Variants in PABPC4L observed in about 807,000 individuals in gnomAD.
The protein encoded by PABPC4L is poly(A) binding protein cytoplasmic 4 like.
For synonymous variants in PABPC4L, 169 were observed against 164.1 expected (o/e 1.03, Z -0.23); for missense variants, 452 against 451.4 (o/e 1.00, Z -0.01).
the PABPC4L span, among the ~76,000 whole-genome samples, chr4:134,021,790 C>T: frequency 6.6e-6 from 1 of 152,198 alleles, no homozygotes; most frequent in Non-Finnish European, 1.5e-5. Flanking sequence ...TGTTGCTTCT[C>T]AATTTTATAT....
the PABPC4L span, among the ~76,000 whole-genome samples, chr4:134,035,988 G>A: frequency 6.6e-6 from 1 of 152,084 alleles, no homozygotes; most frequent in South Asian, 2.1e-4. Flanking sequence ...AGAACAACAT[G>A]AGGAAAACTG....
At chr4:134,024,101 A>G in the PABPC4L span, among the ~76,000 whole-genome samples, 8 of 152,166 alleles carry the variant, frequency 5.3e-5, no homozygotes, top group African/African-American at 1.9e-4. Flanking sequence ...CTACTAACCA[A>G]TAGTGAATAA....
the PABPC4L span, among the ~76,000 whole-genome samples, chr4:134,169,337 A>ATAT: frequency 2.6e-5 from 4 of 151,874 alleles, no homozygotes; most frequent in African/African-American, 9.7e-5. Flanking sequence ...AAACCCACGA[A>ATAT]TATTATCATA....
At chr4:134,063,779 TA>T in the PABPC4L span, among the ~76,000 whole-genome samples, 3 of 151,934 alleles carry the variant, frequency 2.0e-5, no homozygotes, top group African/African-American at 7.2e-5. Context: ...ACCAGACCAA[TA>T]AAAAAAGTAA....
At chr4:133,988,210 C>G in the PABPC4L span, among the ~76,000 whole-genome samples, 1 of 152,158 alleles carries the variant, frequency 6.6e-6, no homozygotes, top group Non-Finnish European at 1.5e-5. Flanking sequence ...ATATTATGTT[C>G]TCACATTTCA....
At chr4:134,037,286 T>C in the PABPC4L span, among the ~76,000 whole-genome samples, 1 of 152,088 alleles carries the variant, frequency 6.6e-6, no homozygotes, top group Non-Finnish European at 1.5e-5. Context: ...AGCATGGATG[T>C]ATTTTCATTT....
chr4:133,951,620 C>G, the PABPC4L span, among the ~76,000 whole-genome samples: 1 of 152,102 alleles, frequency 6.6e-6, no homozygotes, highest in Non-Finnish European at 1.5e-5. Context: ...GTGAACACCC[C>G]AAGGGCCACA....
the PABPC4L span, among the ~76,000 whole-genome samples, chr4:133,970,906 C>T: frequency 3.3e-5 from 5 of 152,060 alleles, no homozygotes; most frequent in Non-Finnish European, 5.9e-5. Context: ...CTGGAACTTC[C>T]CAGTTTCCAT....
the PABPC4L span, among the ~76,000 whole-genome samples, chr4:134,084,932 A>G: frequency 3.3e-5 from 5 of 152,104 alleles, no homozygotes; most frequent in Non-Finnish European, 2.9e-5. Flanking sequence ...AAAAGGAAAA[A>G]GAAAGGAAAA....
the PABPC4L span, among the ~76,000 whole-genome samples, chr4:134,042,449 T>A: frequency 1.3e-5 from 2 of 152,190 alleles, no homozygotes; most frequent in African/African-American, 2.4e-5. Context: ...ATTAATTTTT[T>A]AAAAAAGTAA....
the PABPC4L span, among the ~76,000 whole-genome samples, chr4:134,170,397 T>C: frequency 2.0e-5 from 3 of 152,160 alleles, no homozygotes; most frequent in African/African-American, 7.2e-5. Flanking sequence ...ATAGAATGTA[T>C]CAGTCCATTC....
At chr4:134,041,714 T>G in the PABPC4L span, among the ~76,000 whole-genome samples, 1 of 150,710 alleles carries the variant, frequency 6.6e-6, no homozygotes, top group Non-Finnish European at 1.5e-5. Flanking sequence ...ATAGTATAAT[T>G]AAAAAAAAAG....
chr4:134,061,856 GGAAAGAAA>G, the PABPC4L span, among the ~76,000 whole-genome samples: 1 of 149,342 alleles, frequency 6.7e-6, no homozygotes, highest in East Asian at 2.0e-4. Context: ...GAAGAAAGAA[GGAAAGAAA>G]GAAAGAAGGA....
the PABPC4L span, among the ~76,000 whole-genome samples, chr4:134,005,832 C>T: frequency 2.8e-3 from 421 of 151,686 alleles, 4 homozygotes; most frequent in Middle Eastern, 0.017. Context: ...ATTTTACTCG[C>T]CATCTGAAAA....
the PABPC4L span, among the ~76,000 whole-genome samples, chr4:134,102,204 T>G: frequency 6.6e-6 from 1 of 151,538 alleles, no homozygotes; most frequent in Non-Finnish European, 1.5e-5. Flanking sequence ...CAGTCAATAG[T>G]CTCCAAGAAT....
chr4:134,062,630 A>C, the PABPC4L span, among the ~76,000 whole-genome samples: 1 of 152,208 alleles, frequency 6.6e-6, no homozygotes, highest in East Asian at 1.9e-4. Context: ...TTTCCACAAA[A>C]TTAATTAAAA....
chr4:134,178,046 G>A, the PABPC4L span, among the ~76,000 whole-genome samples: 1 of 152,058 alleles, frequency 6.6e-6, no homozygotes, highest in East Asian at 1.9e-4. Flanking sequence ...AGCCAGGAAA[G>A]CCATGCCTGC....
chr4:134,032,862 T>C, the PABPC4L span, among the ~76,000 whole-genome samples: 1 of 151,658 alleles, frequency 6.6e-6, no homozygotes, highest in Non-Finnish European at 1.5e-5. Context: ...TTAAACTGAG[T>C]TTTTATGCTG....
chr4:134,050,234 A>G, the PABPC4L span, among the ~76,000 whole-genome samples: 1 of 152,170 alleles, frequency 6.6e-6, no homozygotes, highest in African/African-American at 2.4e-5. Flanking sequence ...TGATTAAGAC[A>G]TCTCATGAAT....
Sources: gnomAD v4.1 joint callset for allele counts (sites outside exome capture counted in the v4.1 genomes callset) on GRCh38, gnomAD v4.1.1 for gene constraint, MANE v1.5 for transcripts, NCBI Gene and HGNC (gene_info 2026-07-23, HGNC 2026-07-21) for gene names.